ZNF143: variants seen among roughly 807,000 people sequenced by gnomAD.
ZNF143 encodes SPH-binding factor.
ZNF143 carries 49 observed loss-of-function variants against 74.1 expected under a neutral mutation model. That is an observed-to-expected ratio of 0.66 (90% CI 0.53 to 0.84). ZNF143 has a LOEUF of 0.84. ZNF143 is among the 40% of genes least tolerant of loss of function. The pLI is 0.00. For missense variants in ZNF143, 637 were observed against 793.4 expected, an observed-to-expected ratio of 0.80 and a Z score of 2.37; for synonymous variants, 304 against 282.8, an observed-to-expected ratio of 1.07 and a Z score of -0.75.
At chr11:9,519,041 A>G (rs1423260525) in intron 14 of ZNF143, among the ~76,000 whole-genome samples, 1 of 152,192 alleles carries the variant, frequency 6.6e-6, no homozygotes, top group Non-Finnish European at 1.5e-5. Flanking sequence ...AATGAAATGC[A>G]CAGATCTTAA....
intron 5 of ZNF143, among the ~76,000 whole-genome samples, chr11:9,476,614 C>T (rs1283481889): frequency 1.3e-5 from 2 of 151,870 alleles, no homozygotes; most frequent in African/African-American, 2.4e-5. Context: ...TCAGGTGATC[C>T]GCCCACTTCA....
chr11:9,501,084 T>G lies in ZNF143; in HGVS notation c.968-7T>G. The G allele has an allele frequency of 6.2e-7, 1 of 1,614,100 alleles. No individual in the cohort carries two copies. Among genetic ancestry groups the G allele is most frequent in the Non-Finnish European group, 8.5e-7 (1 of 1,179,994 alleles). On this transcript the variant is annotated splice_polypyrimidine_tract_variant and splice_region_variant and intron_variant, in intron 10 of 15. Transcript: ENST00000396602. ...ACCATTTAATGTATTACCCTTTATA[T>G]TTGCAGGAGAAAGGCCCTTTAAGTG...
rs1305586420 is a variant in ZNF143, at chr11:9,512,506, G to C, written c.1434G>C (p.Gly478=). The change falls in exon 13 of 16, where the codon GGG becomes GGC. Residue 478 remains glycine (G), a synonymous_variant. Transcript: ENST00000396602. ...TTACGTATGTTACAGGTGTAGAAGG[G>C]GACGACGTTGTTTCTACACAAGTAG... ...SQITYVTGVE[G]DDVVSTQVAT... 6.2e-7 allele frequency: 1 copy of C among 1,614,026 alleles called. No homozygotes were observed. Among genetic ancestry groups the C allele is most frequent in the Non-Finnish European group, 8.5e-7 (1 of 1,180,024 alleles).
intron 7 of ZNF143, among the ~76,000 whole-genome samples, chr11:9,485,666 C>T (rs1485582072): frequency 1.3e-5 from 2 of 151,480 alleles, no homozygotes; most frequent in Admixed American, 1.3e-4. Flanking sequence ...ATCTTCCTGG[C>T]AGTGCTGATG....
At chr11:9,501,921 T>C (rs529996557) in intron 11 of ZNF143, among the ~76,000 whole-genome samples, 3 of 137,560 alleles carry the variant, frequency 2.2e-5, no homozygotes, top group South Asian at 4.7e-4. Context: ...TCTATGGATA[T>C]ATTCTTTTTT....
At chr11:9,521,579 T>TTTG (rs1256704830) in intron 14 of ZNF143, among the ~76,000 whole-genome samples, 9 of 151,936 alleles carry the variant, frequency 5.9e-5, no homozygotes, top group South Asian at 2.1e-4. Context: ...TTGTTTTTTT[T>TTTG]TTGTTGTTGT....
At chr11:9,515,015 C>T (rs914504567) in intron 13 of ZNF143, among the ~76,000 whole-genome samples, 1 of 152,098 alleles carries the variant, frequency 6.6e-6, no homozygotes, top group African/African-American at 2.4e-5. Context: ...GTAATCCCAG[C>T]TACTCGGGAG....
At chr11:9,497,450 C>G (rs745600548) in intron 9 of ZNF143, among the ~76,000 whole-genome samples, 2 of 152,118 alleles carry the variant, frequency 1.3e-5, no homozygotes, top group Non-Finnish European at 2.9e-5. Flanking sequence ...AGGCTGAGCT[C>G]GAACTCCTGA....
intron 14 of ZNF143, 26 bp from the exon 15 acceptor site, chr11:9,525,208 TTATGTG>T: frequency 3.1e-6 from 5 of 1,613,344 alleles, no homozygotes; most frequent in Non-Finnish European, 4.2e-6. Context: ...GTTTAATTCT[TTATGTG>T]TATGGTTTGT....
chr11:9,461,146 G>A (rs2290422), intron 1 of ZNF143, 70 bp downstream of exon 1: 1 of 953,150 alleles, frequency 1.0e-6, no homozygotes, highest in Admixed American at 6.2e-5. Context: ...CAGCGCGGCG[G>A]CGCGGGCCCG....
intron 14 of ZNF143, among the ~76,000 whole-genome samples, chr11:9,521,385 G>C (rs548737352): frequency 7.2e-5 from 11 of 152,190 alleles, no homozygotes; most frequent in African/African-American, 2.6e-4. Context: ...ATAAGAAAAA[G>C]TTTCATCTCC....
chr11:9,461,215 A>T, intron 1 of ZNF143, 139 bp downstream of exon 1: 3 of 408,648 alleles, frequency 7.3e-6, no homozygotes, highest in Non-Finnish European at 9.9e-6. Flanking sequence ...TGCCGATTTT[A>T]TGGGCCGGCC....
intron 11 of ZNF143, among the ~76,000 whole-genome samples, chr11:9,504,332 C>T (rs529529082): frequency 7.9e-6 from 1 of 126,390 alleles, no homozygotes; most frequent in South Asian, 2.6e-4. Flanking sequence ...ATCCTTTGCC[C>T]GTTTTTAAAA....
rs1261000115 is a variant in ZNF143, at chr11:9,464,888, A to G, written c.-8+3812A>G. On this transcript the variant is annotated intron_variant, in intron 1 of 15. Transcript: ENST00000396602. ...CAGTGAGACGAGATCGCGTCACTGT[A>G]TTCCAGCCTGGGCGACAGAGGGAGA... Among the ~76,000 whole-genome samples the G allele has an allele frequency of 6.6e-5, 10 of 152,224 alleles. No homozygotes were observed. The East Asian group carries it at 1.2e-3, about 18-fold the overall frequency.
intron 14 of ZNF143, among the ~76,000 whole-genome samples, chr11:9,522,896 G>A (rs1848987031): frequency 6.6e-6 from 1 of 151,740 alleles, no homozygotes; most frequent in Admixed American, 6.6e-5. Flanking sequence ...CGAGTAGCTG[G>A]GACTACAGGC....
At chr11:9,518,168 A>C (rs1179648522) in intron 14 of ZNF143, among the ~76,000 whole-genome samples, 2 of 152,242 alleles carry the variant, frequency 1.3e-5, no homozygotes, top group African/African-American at 4.8e-5. Flanking sequence ...AAAAGTGCAC[A>C]TCTTTTATCA....
chr11:9,494,840 T>G (rs1847904689), intron 8 of ZNF143, 75 bp downstream of exon 8: 2 of 1,442,972 alleles, frequency 1.4e-6, no homozygotes, highest in South Asian at 2.6e-5. Flanking sequence ...TATTTTTGTG[T>G]AATTCAAATG....
At chr11:9,483,417 C>T (rs1847329992) in intron 7 of ZNF143, among the ~76,000 whole-genome samples, 1 of 149,600 alleles carries the variant, frequency 6.7e-6, no homozygotes, top group South Asian at 2.1e-4. Flanking sequence ...CCTGCTCAGC[C>T]TCCCGAGTAG....
chr11:9,515,704 G>A (rs1018056489), intron 13 of ZNF143, among the ~76,000 whole-genome samples: 4 of 151,074 alleles, frequency 2.6e-5, no homozygotes, highest in Non-Finnish European at 5.9e-5. Context: ...GTATTGCCGG[G>A]CACAGTGGCT....
Sources: gnomAD v4.1 joint callset for allele counts (sites outside exome capture counted in the v4.1 genomes callset) on GRCh38, gnomAD v4.1.1 for gene constraint, MANE v1.5 for transcripts, NCBI Gene and HGNC (gene_info 2026-07-23, HGNC 2026-07-21) for gene names.